The following RAB33A variants were observed in gnomAD, a reference collection of about 807,000 sequenced individuals.
The protein encoded by RAB33A is ras-related protein Rab-33A.
Under a neutral mutation model 12.0 loss-of-function variants are expected in RAB33A, and 6 were observed. The ratio of observed to expected loss-of-function variants is 0.50; its 90% CI spans 0.27 to 0.99. RAB33A has a LOEUF of 0.99. Ranked by LOEUF, RAB33A falls within the 50% of genes least tolerant of loss-of-function variation. The pLI, the probability that RAB33A is intolerant of heterozygous loss-of-function variation, is 0.11. For missense variants in RAB33A, 109 were observed against 192.0 expected, an observed-to-expected ratio of 0.57 and a Z score of 2.55; for synonymous variants, 70 against 82.4, an observed-to-expected ratio of 0.85 and a Z score of 0.81.
At chrX:130,124,767 T>TA in the RAB33A span, among the ~76,000 whole-genome samples, 2 of 112,049 alleles carry the variant, frequency 1.8e-5, no homozygotes, top group African/African-American at 6.5e-5. Context: ...AGAAAAGACT[T>TA]AGAGGATTCA....
At chrX:130,130,611 T>C in the RAB33A span, among the ~76,000 whole-genome samples, 1 of 112,645 alleles carries the variant, frequency 8.9e-6, no homozygotes, top group Non-Finnish European at 1.9e-5. Flanking sequence ...TCCTTATCTG[T>C]ACTCACCATG....
the RAB33A span, among the ~76,000 whole-genome samples, chrX:130,161,309 G>A: frequency 3.6e-5 from 4 of 109,824 alleles, no homozygotes; most frequent in African/African-American, 6.6e-5. Context: ...TCAGGAGTTC[G>A]AGACCAGCCT....
In RAB33A at chrX:130,172,078, C is replaced by A; in HGVS notation, c.16C>A (p.Leu6Met). MAQPI[L>M]GHGSLQPASA... ...TCCGGGGGAGATGGCGCAGCCCATC[C>A]TGGGCCATGGGAGCCTGCAGCCCGC... Residue 6 changes from leucine to methionine, a missense_variant, in exon 1 of 2, where the codon CTG (leucine) becomes ATG (methionine). Coordinates refer to ENST00000257017, the MANE Select transcript of RAB33A (RefSeq NM_004794.3). The A allele has an allele frequency of 8.3e-7, 1 of 1,209,409 alleles. No homozygotes were observed. The highest frequency in any genetic ancestry group is 1.1e-6 in the Non-Finnish European group (1 of 894,302).
the RAB33A span, among the ~76,000 whole-genome samples, chrX:130,120,814 C>A: frequency 8.9e-6 from 1 of 112,871 alleles, no homozygotes; most frequent in Non-Finnish European, 1.9e-5. Context: ...AAGCCCGGAT[C>A]CTGGTGGGGC....
At chrX:130,153,920 C>T in the RAB33A span, among the ~76,000 whole-genome samples, 21 of 112,132 alleles carry the variant, frequency 1.9e-4, no homozygotes, top group East Asian at 5.6e-3. Context: ...GAAACTAATA[C>T]AAACGTTCAA....
chrX:130,154,637 T>C, the RAB33A span, among the ~76,000 whole-genome samples: 8 of 112,023 alleles, frequency 7.1e-5, no homozygotes, highest in Non-Finnish European at 1.9e-5. Flanking sequence ...GAAAGGTGGA[T>C]GGGGAGAATA....
the RAB33A span, chrX:130,137,007 T>C: frequency 1.9e-5 from 23 of 1,207,734 alleles, no homozygotes; most frequent in African/African-American, 7.0e-5. Context: ...GGGGTTCCTA[T>C]AGAAGCGAAG....
chrX:130,149,047 G>A, the RAB33A span, among the ~76,000 whole-genome samples: 192 of 103,159 alleles, frequency 1.9e-3, no homozygotes, highest in Non-Finnish European at 2.2e-3. Flanking sequence ...TCAGCCTCCC[G>A]AGCACCAGGG....
At chrX:130,179,503 A>G (rs1368377361) in intron 1 of RAB33A, among the ~76,000 whole-genome samples, 1 of 109,146 alleles carries the variant, frequency 9.2e-6, no homozygotes, top group Non-Finnish European at 1.9e-5. Flanking sequence ...GGGGATCAGG[A>G]GCCAAGTGGT....
At chrX:130,127,317 T>C in the RAB33A span, among the ~76,000 whole-genome samples, 2 of 111,375 alleles carry the variant, frequency 1.8e-5, no homozygotes. Flanking sequence ...ACGTAGCTCA[T>C]TGTATTGGAG....
At chrX:130,131,449 C>T in the RAB33A span, among the ~76,000 whole-genome samples, 22 of 112,640 alleles carry the variant, frequency 2.0e-4, no homozygotes, top group Admixed American at 8.5e-4. Flanking sequence ...CTGTCTAGGA[C>T]AGATACCCAC....
intron 1 of RAB33A, among the ~76,000 whole-genome samples, chrX:130,180,021 G>A (rs7052250): frequency 0.03 from 3,279 of 110,059 alleles, 142 homozygotes; most frequent in African/African-American, 0.1. Context: ...AGCCTGAGGC[G>A]TGAGCTTAAC....
At position 130,184,277 on chromosome X, in the gene RAB33A, T is replaced by A; in HGVS notation, c.259-8T>A. The stretch of plus-strand genomic sequence containing the variant: ...CTGACTCCACCTTTGGGTTTTTGTA[T>A]CTTCCAGGTTCAGGTGTGGGACACA... On this transcript the variant is annotated splice_region_variant and splice_polypyrimidine_tract_variant and intron_variant, in intron 1 of 1. Transcript: ENST00000257017. 8.3e-7 allele frequency: 1 copy of A among 1,199,774 alleles called. No homozygotes were observed. The highest frequency in any genetic ancestry group is 1.1e-6 in the Non-Finnish European group (1 of 887,825).
intron 1 of RAB33A, among the ~76,000 whole-genome samples, chrX:130,183,229 T>C (rs1330390004): frequency 9.2e-6 from 1 of 108,500 alleles, no homozygotes; most frequent in Non-Finnish European, 1.9e-5. Context: ...ACATGAACTT[T>C]AGCTATTCCT....
chrX:130,122,863 A>G, the RAB33A span, among the ~76,000 whole-genome samples: 1 of 112,003 alleles, frequency 8.9e-6, no homozygotes, highest in African/African-American at 3.2e-5. Context: ...CCCAGTTTCG[A>G]GGCTGTGAAA....
chrX:130,155,205 A>C, the RAB33A span: 3 of 1,211,343 alleles, frequency 2.5e-6, no homozygotes, highest in Non-Finnish European at 3.4e-6. Flanking sequence ...TAAGAAGTAC[A>C]CTAGGTTGCT....
At chrX:130,182,157 AATATAT>A (rs1300343120) in intron 1 of RAB33A, among the ~76,000 whole-genome samples, 6 of 44,638 alleles carry the variant, frequency 1.3e-4, no homozygotes, top group Admixed American at 5.4e-4. Flanking sequence ...AAAAAAAAAA[AATATAT>A]ATATATATAT....
chrX:130,130,833 G>T, the RAB33A span, among the ~76,000 whole-genome samples: 1 of 112,072 alleles, frequency 8.9e-6, no homozygotes, highest in African/African-American at 3.2e-5. Flanking sequence ...TAGGAAGGGG[G>T]CACCTTGCTG....
intron 1 of RAB33A, 107 bp from the exon 2 acceptor site, chrX:130,184,178 C>A: frequency 1.3e-6 from 1 of 766,495 alleles, no homozygotes; most frequent in Non-Finnish European, 1.9e-6. Flanking sequence ...CGTGAGCCAC[C>A]GCACCCGTCC....
Sources: gnomAD v4.1 joint callset for allele counts (sites outside exome capture counted in the v4.1 genomes callset) on GRCh38, gnomAD v4.1.1 for gene constraint, MANE v1.5 for transcripts, NCBI Gene and HGNC (gene_info 2026-07-23, HGNC 2026-07-21) for gene names.